CSMD1: variants seen among roughly 807,000 people sequenced by gnomAD.
CSMD1 encodes the protein CUB and Sushi multiple domains 1.
CSMD1 carries 213 observed loss-of-function variants against 417.5 expected under a neutral mutation model. The observed-to-expected ratio is 0.51, with a 90% CI of 0.46 to 0.57. The LOEUF (loss-of-function observed/expected upper bound fraction) is 0.57, where lower values mean the gene tolerates loss of function less well. CSMD1 is among the 20% of genes least tolerant of loss of function. CSMD1 has a pLI of 0.00. For missense variants in CSMD1, 6,923 were observed against 4,529.7 expected (o/e 1.53, Z -15.17); for synonymous variants, 2,862 against 1,736.8 (o/e 1.65, Z -16.11).
Position 3,387,473 on chromosome 8 carries a change from G to C in CSMD1, c.2782+21C>G, listed in dbSNP as rs375073569. 12 of 1,574,242 alleles carry C rather than the reference G, an allele frequency of 7.6e-6. No homozygotes were observed. The African/African-American group carries it at 1.3e-4, about 18-fold the overall frequency. On this transcript the variant is annotated intron_variant, in intron 18 of 69. Coordinates refer to ENST00000635120, the MANE Select transcript of CSMD1 (RefSeq NM_033225.6). ...TCTCTGCACACCCTGCTGGTGCATT[G>C]CCTCACTGAGCTGTACCTACCGTCG...
chr8:3,784,542 C>T (rs1468500041), intron 5 of CSMD1, among the ~76,000 whole-genome samples: 1 of 152,042 alleles, frequency 6.6e-6, no homozygotes, highest in Non-Finnish European at 1.5e-5. Context: ...CCAACTGGTC[C>T]CTCATGGTCA....
intron 2 of CSMD1, among the ~76,000 whole-genome samples, chr8:4,614,533 T>C (rs1331982668): frequency 1.3e-5 from 2 of 152,148 alleles, no homozygotes; most frequent in Non-Finnish European, 2.9e-5. Flanking sequence ...TTATGTAACA[T>C]AGCACAAGCG....
At chr8:3,070,495 C>T (rs1386258929) in intron 49 of CSMD1, among the ~76,000 whole-genome samples, 1 of 152,092 alleles carries the variant, frequency 6.6e-6, no homozygotes, top group Non-Finnish European at 1.5e-5. Context: ...AACCAGATAC[C>T]CAACTCATTA....
At chr8:3,486,218 A>G (rs1818023559) in intron 11 of CSMD1, among the ~76,000 whole-genome samples, 1 of 152,214 alleles carries the variant, frequency 6.6e-6, no homozygotes. Context: ...GATGATAACT[A>G]TAGTAATACA....
intron 3 of CSMD1, among the ~76,000 whole-genome samples, chr8:4,235,502 A>T (rs577761141): frequency 3.3e-5 from 5 of 152,200 alleles, no homozygotes; most frequent in African/African-American, 1.2e-4. Context: ...TTTAGAAAAC[A>T]AATCTTCTAA....
At chr8:3,868,224 C>G (rs993341402) in intron 5 of CSMD1, among the ~76,000 whole-genome samples, 1 of 118,794 alleles carries the variant, frequency 8.4e-6, no homozygotes, top group African/African-American at 4.8e-5. Flanking sequence ...AAACCCAGAA[C>G]GAGGATGGGG....
intron 1 of CSMD1, among the ~76,000 whole-genome samples, chr8:4,880,955 G>C (rs954889192): frequency 6.6e-6 from 1 of 152,004 alleles, no homozygotes; most frequent in Non-Finnish European, 1.5e-5. Context: ...GAATGGGCCA[G>C]GAATCCATGT....
Position 4,806,531 on chromosome 8 carries a change from C to A in CSMD1, c.86-168973G>T, listed in dbSNP as rs7828697. 6.6e-3 allele frequency among the ~76,000 whole-genome samples: 1,003 copies of A among 152,292 alleles called. 11 individuals are homozygous for A. The highest frequency in any genetic ancestry group is 0.022 in the African/African-American group (918 of 41,566). Reference sequence around the variant, plus strand: ...TCTTTCCTCTGGAGCTCTTTTCCTGCCACCGTGCTACTAGCATATTAACAA... The same window carrying A: ...TCTTTCCTCTGGAGCTCTTTTCCTGACACCGTGCTACTAGCATATTAACAA... On this transcript the variant is annotated intron_variant, in intron 1 of 69. Coordinates refer to ENST00000635120, the MANE Select transcript of CSMD1 (RefSeq NM_033225.6).
At chr8:3,862,571 T>C (rs546066538) in intron 5 of CSMD1, among the ~76,000 whole-genome samples, 109 of 152,354 alleles carry the variant, frequency 7.2e-4, no homozygotes, top group Non-Finnish European at 1.3e-3. Flanking sequence ...GTAATTATGG[T>C]ATATTTTACT....
intron 3 of CSMD1, among the ~76,000 whole-genome samples, chr8:4,129,889 A>T (rs1446416939): frequency 6.6e-6 from 1 of 152,118 alleles, no homozygotes; most frequent in Non-Finnish European, 1.5e-5. Context: ...TTTTGTGAAT[A>T]TAATATATCC....
chr8:4,587,755 T>C (rs1009885993), intron 2 of CSMD1, among the ~76,000 whole-genome samples: 10 of 152,216 alleles, frequency 6.6e-5, no homozygotes, highest in African/African-American at 9.6e-5. Context: ...TTTGCATTTA[T>C]AGTAGATGCT....
chr8:3,563,326 T>C (rs1799553155), intron 10 of CSMD1, among the ~76,000 whole-genome samples: 1 of 151,540 alleles, frequency 6.6e-6, no homozygotes, highest in Admixed American at 6.6e-5. Context: ...ATATAAAAGG[T>C]TTTGCTTTGT....
intron 5 of CSMD1, among the ~76,000 whole-genome samples, chr8:3,938,010 C>A (rs2554622): frequency 0.39 from 58,766 of 151,878 alleles, 11,611 homozygotes; most frequent in East Asian, 0.47. Flanking sequence ...AACTATAAAA[C>A]CCAGCATCTA....
chr8:3,536,122 C>G (rs1220567969), intron 10 of CSMD1, among the ~76,000 whole-genome samples: 1 of 152,144 alleles, frequency 6.6e-6, no homozygotes, highest in Non-Finnish European at 1.5e-5. Context: ...TTTATGATAC[C>G]AAGCTGTGAT....
chr8:4,920,603 C>T (rs1050027743), intron 1 of CSMD1, among the ~76,000 whole-genome samples: 1 of 151,982 alleles, frequency 6.6e-6, no homozygotes, highest in African/African-American at 2.4e-5. Context: ...AGGTGGATCA[C>T]CTGAAGTCAG....
intron 6 of CSMD1, among the ~76,000 whole-genome samples, chr8:3,728,060 T>A (rs1214602800): frequency 6.6e-6 from 1 of 152,166 alleles, no homozygotes; most frequent in East Asian, 1.9e-4. Context: ...TGAAAGGGTT[T>A]GGCTATGACA....
intron 3 of CSMD1, among the ~76,000 whole-genome samples, chr8:4,233,051 C>T (rs939985451): frequency 1.3e-5 from 2 of 152,156 alleles, no homozygotes; most frequent in Non-Finnish European, 2.9e-5. Flanking sequence ...GGATATGTTG[C>T]TCTAGGTTTA....
chr8:4,660,011 A>G (rs563097554), intron 1 of CSMD1, among the ~76,000 whole-genome samples: 1 of 151,666 alleles, frequency 6.6e-6, no homozygotes, highest in Non-Finnish European at 1.5e-5. Flanking sequence ...TGTAACTATA[A>G]TTATACTTAA....
intron 5 of CSMD1, among the ~76,000 whole-genome samples, chr8:3,914,869 T>C (rs981352699): frequency 9.2e-5 from 14 of 152,174 alleles, no homozygotes; most frequent in Admixed American, 7.2e-4. Flanking sequence ...CATCATACAG[T>C]TTTCAGTTTT....
Sources: gnomAD v4.1 joint callset for allele counts (sites outside exome capture counted in the v4.1 genomes callset) on GRCh38, gnomAD v4.1.1 for gene constraint, MANE v1.5 for transcripts, NCBI Gene and HGNC (gene_info 2026-07-23, HGNC 2026-07-21) for gene names.